The following GPRIN1 variants were observed in gnomAD, a reference collection of about 807,000 sequenced individuals.
The protein encoded by GPRIN1 is G protein-regulated inducer of neurite outgrowth 1.
Under a neutral mutation model 2.8 loss-of-function variants are expected in GPRIN1, and 4 were observed. The observed-to-expected ratio is 1.45, with a 90% CI of 0.71 to 3.32. The LOEUF is 3.32. Ranked by LOEUF, GPRIN1 falls within the 30% of genes most tolerant of loss-of-function variation. GPRIN1 has a pLI of 0.01. For synonymous variants in GPRIN1, 589 were observed against 589.9 expected, an observed-to-expected ratio of 1.00 and a Z score of 0.02; for missense variants, 1,322 against 1,343.4, an observed-to-expected ratio of 0.98 and a Z score of 0.25.
intron 1 of GPRIN1, among the ~76,000 whole-genome samples, chr5:176,606,957 G>C (rs1237557954): frequency 6.6e-6 from 1 of 152,244 alleles, no homozygotes; most frequent in African/African-American, 2.4e-5. Context: ...CAGCCTCTGA[G>C]ATGGGATAAA....
At position 176,596,152 on chromosome 5, in the gene GPRIN1, G is replaced by GA. The variant is rs1759029641; in HGVS notation, c.*655dup. 6.5e-6 allele frequency: 1 copy of GA among 153,100 alleles called. No homozygotes were observed. Among genetic ancestry groups the GA allele is most frequent in the Admixed American group, 6.5e-5 (1 of 15,310 alleles). 9.5% of individuals were successfully genotyped at this position (153,100 alleles called of 1,614,324 possible). A position where few individuals can be genotyped will look rare whatever the true frequency, so the allele number is the denominator to read the frequency against. On this transcript the variant is annotated 3_prime_UTR_variant, in exon 2 of 2. Coordinates refer to ENST00000303991, the MANE Select transcript of GPRIN1 (RefSeq NM_052899.3). This position sits in a 1 kb window ranked among gnomAD's most constrained non-coding sequence, Gnocchi z 5.2. ...CTGTAGCTGTCTTTGGCCTCTCTGG[G>GA]AATCTCAAACCTGTGACTCAGTGGG...
intron 1 of GPRIN1, among the ~76,000 whole-genome samples, chr5:176,605,614 G>A (rs1262258865): frequency 6.6e-6 from 1 of 151,936 alleles, no homozygotes; most frequent in Admixed American, 6.5e-5. Context: ...ATCAGCATGG[G>A]CAACACGGCA....
chr5:176,599,930 G>T, intron 1 of GPRIN1, 53 bp from the exon 2 acceptor site: 1 of 1,182,884 alleles, frequency 8.5e-7, no homozygotes, highest in Non-Finnish European at 1.1e-6. Flanking sequence ...TGGGGGAGGA[G>T]ACTCTGCCTT....
chr5:176,607,496 A>G (rs1759238282), intron 1 of GPRIN1, among the ~76,000 whole-genome samples: 1 of 152,126 alleles, frequency 6.6e-6, no homozygotes, highest in Non-Finnish European at 1.5e-5. Flanking sequence ...GGCATGTGCC[A>G]CGACACCTGG....
intron 1 of GPRIN1, 67 bp from the exon 2 acceptor site, chr5:176,599,944 C>G: frequency 9.3e-7 from 1 of 1,080,418 alleles, no homozygotes; most frequent in East Asian, 3.0e-5. Context: ...CTGCCTTCTC[C>G]CCTTCCTCAC....
chr5:176,597,093 G>C lies in GPRIN1; in HGVS notation c.2742C>G (p.Ser914Arg). The change falls in exon 2 of 2, where the codon AGC becomes AGG. Residue 914 changes from serine (S) to arginine (R), a missense_variant. Ser to Arg is a moderately radical substitution (Grantham distance 110, BLOSUM62 -1). Around this residue, in one of 3 missense-constraint regions of GPRIN1, gnomAD observed 196 missense variants for 189.2 expected, o/e 1.04. Transcript: ENST00000303991. This position sits in a 1 kb window ranked among gnomAD's most constrained non-coding sequence, Gnocchi z 6.1. ...CCCACGTCATGCCCTTCTCGTCCCA[G>C]CTCACGTCTCGCACGGGCTCAGCCG... ...PEPAEPVRDV[S>R]WDEKGMTWEV... The C allele has an allele frequency of 6.7e-7, 1 of 1,493,148 alleles. No individual in the cohort carries two copies. Among genetic ancestry groups the C allele is most frequent in the Non-Finnish European group, 8.9e-7 (1 of 1,118,124 alleles). The allele number at this position is 1,493,148 out of a possible 1,614,324, so 92.5% of individuals were successfully genotyped here.
chr5:176,607,391 CG>C (rs1759236582), intron 1 of GPRIN1, among the ~76,000 whole-genome samples: 1 of 152,184 alleles, frequency 6.6e-6, no homozygotes, highest in Non-Finnish European at 1.5e-5. Context: ...TTGCCTAGGC[CG>C]GAGTGCAGTG....
At position 176,596,928 on chromosome 5, in the gene GPRIN1, G is replaced by T. The variant is rs565839651; in HGVS notation, c.2907C>A (p.Gly969=). 4 of 1,217,148 alleles carry T rather than the reference G, an allele frequency of 3.3e-6. No homozygotes were observed. The highest frequency in any genetic ancestry group is 2.3e-4 in the Middle Eastern group (1 of 4,390). The allele number at this position is 1,217,148 out of a possible 1,614,324, so 75.4% of individuals were successfully genotyped here. ...PAARAGPGRS[G]SVRTAPPDGA... ...CATCTGGGGGCGCGGTGCGCACCGA[G>T]CCCGAACGGCCGGGGCCGGCACGGG... Residue 969 remains glycine, a synonymous_variant, in exon 2 of 2, where the codon GGC becomes GGA. Coordinates refer to ENST00000303991, the MANE Select transcript of GPRIN1 (RefSeq NM_052899.3). The surrounding 1 kb of genome is among the most constrained non-coding windows in gnomAD (Gnocchi z 5.2).
chr5:176,609,086 C>G (rs962936968), intron 1 of GPRIN1, among the ~76,000 whole-genome samples: 1 of 152,196 alleles, frequency 6.6e-6, no homozygotes, highest in Non-Finnish European at 1.5e-5. Context: ...CAAGAATGGA[C>G]GTTCATGGAC....
chr5:176,599,956 G>T (rs965179509), intron 1 of GPRIN1, 79 bp from the exon 2 acceptor site: 2 of 991,230 alleles, frequency 2.0e-6, no homozygotes, highest in African/African-American at 1.7e-5. Context: ...CTTCCTCACT[G>T]AGTGCTGTGT....
In GPRIN1 at chr5:176,598,721, G is replaced by A. The variant is rs773283412; in HGVS notation, c.1114C>T (p.Arg372Trp). 7.4e-6 allele frequency: 12 copies of A among 1,613,890 alleles called. No individual in the cohort carries two copies. The highest frequency in any genetic ancestry group is 4.5e-5 in the East Asian group (2 of 44,894). ...GCAGGGTCCATCTTTCCCAGGAACC[G>A]GGAGTCCTCTTTTGTGGCAGGCACA... ...ETVPATKEDS[R>W]FLGKMDPASS... The change falls in exon 2 of 2, where the codon CGG becomes TGG. Residue 372 changes from arginine to tryptophan, a missense_variant. By Grantham distance (101) the Arg-to-Trp change is moderately radical. Around this residue, in one of 3 missense-constraint regions of GPRIN1, gnomAD observed 1,117 missense variants for 1,128.6 expected, o/e 0.99. Transcript: ENST00000303991.
In GPRIN1 at chr5:176,597,057, G is replaced by A; in HGVS notation, c.2778C>T (p.Gly926=). The A allele has an allele frequency of 2.0e-6, 3 of 1,506,988 alleles. No homozygotes were observed. Among genetic ancestry groups the A allele is most frequent in the Non-Finnish European group, 1.8e-6 (2 of 1,125,578 alleles). The allele number at this position is 1,506,988 out of a possible 1,614,324, so 93.4% of individuals were successfully genotyped here. ...DEKGMTWEVY[G]AAMEVEVLGM... is the part of the protein sequence containing the mutation. ...CCAGCACCTCCACCTCCATGGCGGC[G>A]CCGTATACCTCCCACGTCATGCCCT... is the stretch of plus-strand genomic sequence containing the variant. The change falls in exon 2 of 2, where the codon GGC becomes GGT. Residue 926 remains glycine, a synonymous_variant. Transcript: ENST00000303991. This position sits in a 1 kb window ranked among gnomAD's most constrained non-coding sequence, Gnocchi z 6.1.
intron 1 of GPRIN1, among the ~76,000 whole-genome samples, chr5:176,600,721 C>G (rs998016476): frequency 1.3e-5 from 2 of 152,006 alleles, no homozygotes. Flanking sequence ...CAAGACCCCC[C>G]TGGCCAACAT....
chr5:176,600,651 C>A (rs773901824), intron 1 of GPRIN1, among the ~76,000 whole-genome samples: 1 of 152,138 alleles, frequency 6.6e-6, no homozygotes, highest in Non-Finnish European at 1.5e-5. Context: ...CGGCGGCTCA[C>A]GCCTGTAATC....
chr5:176,596,731 G>C lies in GPRIN1; in HGVS notation c.*77C>G. The C allele has an allele frequency of 8.1e-7, 1 of 1,237,350 alleles. No homozygotes were observed. The highest frequency in any genetic ancestry group is 1.0e-6 in the Non-Finnish European group (1 of 967,688). 76.6% of individuals were successfully genotyped at this position (1,237,350 alleles called of 1,614,324 possible). A position where few individuals can be genotyped will look rare whatever the true frequency, so the allele number is the denominator to read the frequency against. ...CTCGGAGGCCTGTGGCACGCAGAGG[G>C]GACCCCTTCTAGGGGCCTGTGATCA... is the stretch of plus-strand genomic sequence containing the variant. On this transcript the variant is annotated 3_prime_UTR_variant, in exon 2 of 2. Coordinates refer to ENST00000303991, the MANE Select transcript of GPRIN1 (RefSeq NM_052899.3). The surrounding 1 kb of genome is among the most constrained non-coding windows in gnomAD (Gnocchi z 5.2).
intron 1 of GPRIN1, among the ~76,000 whole-genome samples, chr5:176,605,380 C>T (rs903681766): frequency 8.5e-5 from 13 of 152,208 alleles, no homozygotes; most frequent in Non-Finnish European, 1.3e-4. Context: ...AGGCATGGTC[C>T]ACCATGCCCG....
Position 176,610,142 on chromosome 5 carries a change from G to A in GPRIN1, c.-187C>T, listed in dbSNP as rs1457977031. 1 of 150,204 alleles carries A rather than the reference G, an allele frequency of 6.7e-6. No homozygotes were observed. Among genetic ancestry groups the A allele is most frequent in the East Asian group, 2.0e-4 (1 of 5,090 alleles). 9.3% of individuals were successfully genotyped at this position (150,204 alleles called of 1,614,324 possible). Reference sequence around the variant, plus strand: ...CTCGGCGCCGCCGTCCCCAGCGCCGGCTCCGCGCTCCCGCCCCGCGCCCCG... The same window carrying A: ...CTCGGCGCCGCCGTCCCCAGCGCCGACTCCGCGCTCCCGCCCCGCGCCCCG... On this transcript the variant is annotated 5_prime_UTR_variant, in exon 1 of 2. Coordinates refer to ENST00000303991, the MANE Select transcript of GPRIN1 (RefSeq NM_052899.3).
Position 176,597,999 on chromosome 5 carries a change from C to G in GPRIN1, c.1836G>C (p.Glu612Asp), listed in dbSNP as rs1759078517. The change falls in exon 2 of 2, where the codon GAG becomes GAC. Residue 612 changes from glutamate to aspartate, a missense_variant. This residue lies in a region of GPRIN1 where 1,117 missense variants were observed against 1,128.6 expected (regional missense o/e 0.99). Coordinates refer to ENST00000303991, the MANE Select transcript of GPRIN1 (RefSeq NM_052899.3). This position sits in a 1 kb window ranked among gnomAD's most constrained non-coding sequence, Gnocchi z 6.1. ...PEGKVGSLPL[E>D]KGSPVTTTKA... The stretch of plus-strand genomic sequence containing the variant: ...TTGTGGTGGTAACAGGACTCCCCTT[C>G]TCTAGAGGCAGAGAACCCACTTTTC... 1.2e-6 allele frequency: 2 copies of G among 1,614,004 alleles called. No individual in the cohort carries two copies. The highest frequency in any genetic ancestry group is 1.7e-6 in the Non-Finnish European group (2 of 1,180,036).
At chr5:176,608,048 C>T (rs1023109390) in intron 1 of GPRIN1, among the ~76,000 whole-genome samples, 3 of 151,376 alleles carry the variant, frequency 2.0e-5, no homozygotes, top group African/African-American at 7.3e-5. Flanking sequence ...TCATCAGACT[C>T]CTAAGTAGCT....
Sources: gnomAD v4.1 joint callset for allele counts (sites outside exome capture counted in the v4.1 genomes callset) on GRCh38, gnomAD v4.1.1 for gene constraint, gnomAD v4.1.1 regional missense constraint, Gnocchi (gnomAD v3.1) non-coding constraint, MANE v1.5 for transcripts, NCBI Gene and HGNC (gene_info 2026-07-23, HGNC 2026-07-21) for gene names.